The following C14orf132 variants were observed in gnomAD, a reference collection of about 807,000 sequenced individuals.
C14orf132 encodes uncharacterized protein C14orf132.
In C14orf132, 6 loss-of-function variants were observed where a neutral mutation model predicts 5.8. The observed-to-expected ratio is 1.03, with a 90% CI of 0.57 to 2.04. C14orf132 has a LOEUF of 2.04. Ranked by LOEUF, C14orf132 falls within the 30% of genes most tolerant of loss-of-function variation. C14orf132 has a pLI of 0.00. For synonymous variants in C14orf132, 51 were observed against 49.8 expected, an observed-to-expected ratio of 1.02 and a Z score of -0.10; for missense variants, 125 against 115.8, an observed-to-expected ratio of 1.08 and a Z score of -0.37.
chr14:96,071,632 C>T (rs7144935), intron 1 of C14orf132, among the ~76,000 whole-genome samples: 75,420 of 152,110 alleles, frequency 0.5, 19,027 homozygotes, highest in East Asian at 0.62. Flanking sequence ...AGTCCCAGCC[C>T]TCTCTCCTGA....
chr14:96,086,459 A>G, intron 1 of C14orf132, 52 bp from the exon 2 acceptor site: 1 of 1,504,400 alleles, frequency 6.6e-7, no homozygotes, highest in Non-Finnish European at 8.9e-7. Flanking sequence ...TGCAGGGTAC[A>G]TCTGCCCAAG....
intron 1 of C14orf132, among the ~76,000 whole-genome samples, chr14:96,082,185 C>T (rs183225952): frequency 1.3e-5 from 2 of 152,330 alleles, no homozygotes; most frequent in Non-Finnish European, 2.9e-5. Flanking sequence ...AGTGGCCACC[C>T]TTGCCCACTG....
Position 96,091,695 on chromosome 14 carries a change from C to G in C14orf132, c.*4960C>G, listed in dbSNP as rs1300545350. The G allele has an allele frequency of 6.5e-6, 1 of 152,952 alleles. No individual in the cohort carries two copies. The highest frequency in any genetic ancestry group is 1.5e-5 in the Non-Finnish European group (1 of 68,676). The allele number at this position is 152,952 out of a possible 1,614,324, so 9.5% of individuals were successfully genotyped here. A position where few individuals can be genotyped will look rare whatever the true frequency, so the allele number is the denominator to read the frequency against. On this transcript the variant is annotated 3_prime_UTR_variant, in exon 2 of 2. Transcript: ENST00000555004. Reference sequence around the variant, plus strand: ...AGGGAGCCAAAGGGAACAGCCAGATCCTGAATGTTCTATGTTCACCTGCCC... The same window carrying G: ...AGGGAGCCAAAGGGAACAGCCAGATGCTGAATGTTCTATGTTCACCTGCCC...
At chr14:96,068,612 T>C (rs11160306) in intron 1 of C14orf132, among the ~76,000 whole-genome samples, 69,234 of 151,962 alleles carry the variant, frequency 0.46, 16,836 homozygotes, top group East Asian at 0.6. Flanking sequence ...ACACGGACCA[T>C]GTAGGGAGCA....
chr14:96,049,653 T>TACGTATATATATATATATAGAG lies in C14orf132; in HGVS notation c.27+10127_27+10128insCGTATATATATATATATAGAGA, dbSNP rs371381526. Among the ~76,000 whole-genome samples, 5 of 82,280 alleles carry TACGTATATATATATATATAGAG rather than the reference T, an allele frequency of 6.1e-5. 2 individuals are homozygous for TACGTATATATATATATATAGAG. Among genetic ancestry groups the TACGTATATATATATATATAGAG allele is most frequent in the African/African-American group, 2.3e-4 (5 of 21,758 alleles). The allele number at this position is 82,280 out of a possible 152,430, so 54.0% of individuals were successfully genotyped here. ...ATACATATATACGTATATATATATATAGAGAGAGAGAGAGAGAGAGTTCTG... is the reference window on the plus strand; with the variant it reads ...ATACATATATACGTATATATATATATACGTATATATATATATATAGAGAGAGAGAGAGAGAGAGAGAGTTCTG... On this transcript the variant is annotated intron_variant, in intron 1 of 1. Transcript: ENST00000555004.
In C14orf132 at chr14:96,058,707, G is replaced by A. The variant is rs142988046; in HGVS notation, c.27+19180G>A. 8.5e-4 allele frequency among the ~76,000 whole-genome samples: 130 copies of A among 152,302 alleles called. 1 individual carries two copies. The highest frequency in any genetic ancestry group is 2.8e-3 in the African/African-American group (117 of 41,560). On this transcript the variant is annotated intron_variant, in intron 1 of 1. Coordinates refer to ENST00000555004, the MANE Select transcript of C14orf132 (RefSeq NM_001252507.3). ...CCACCTGGGCTCATGGATCAGACAG[G>A]ATGCATCTCAAACAGAGAATGGGAA...
chr14:96,048,553 T>G (rs1463810845), intron 1 of C14orf132, among the ~76,000 whole-genome samples: 47 of 152,174 alleles, frequency 3.1e-4, no homozygotes, highest in Admixed American at 3.1e-3. Context: ...GAGATGGAGT[T>G]TCACTCTGTT....
chr14:96,039,896 C>A lies in C14orf132; in HGVS notation c.27+369C>A, dbSNP rs1048712366. Among the ~76,000 whole-genome samples, 1 of 152,236 alleles carries A rather than the reference C, an allele frequency of 6.6e-6. No homozygotes were observed. Reference sequence around the variant, plus strand: ...CCAAGGCCGGGCCAGCTCAGACCCGCGCGAACGTGGATGGGCACACAGTCT... The same window carrying A: ...CCAAGGCCGGGCCAGCTCAGACCCGAGCGAACGTGGATGGGCACACAGTCT... On this transcript the variant is annotated intron_variant, in intron 1 of 1. Coordinates refer to ENST00000555004, the MANE Select transcript of C14orf132 (RefSeq NM_001252507.3). This position sits in a 1 kb window ranked among gnomAD's most constrained non-coding sequence, Gnocchi z 5.3.
chr14:96,060,144 C>T (rs913633598), intron 1 of C14orf132, among the ~76,000 whole-genome samples: 4 of 152,210 alleles, frequency 2.6e-5, no homozygotes, highest in African/African-American at 9.7e-5. Flanking sequence ...CCTTTTGTAG[C>T]ATTCCTGAGG....
intron 1 of C14orf132, among the ~76,000 whole-genome samples, chr14:96,078,829 C>T (rs568495205): frequency 6.6e-6 from 1 of 152,236 alleles, no homozygotes; most frequent in African/African-American, 2.4e-5. Flanking sequence ...CATTAAGAGC[C>T]CAGCCTCCCA....
At chr14:96,040,448 G>C (rs1886661097) in intron 1 of C14orf132, 4 of 393,256 alleles carry the variant, frequency 1.0e-5, no homozygotes, top group South Asian at 1.3e-4. Flanking sequence ...GAGAGGTCGG[G>C]AGGCCACCCA....
rs1481205447 is a variant in C14orf132 at position 96,093,677 on chromosome 14, T to C, written c.*6942T>C. On this transcript the variant is annotated 3_prime_UTR_variant, in exon 2 of 2. Coordinates refer to ENST00000555004, the MANE Select transcript of C14orf132 (RefSeq NM_001252507.3). ...GTATTTTAACTATTCTTGGAGTCCT[T>C]TGCTACCCAAGCACCTGGTTTCACC... is the stretch of plus-strand genomic sequence containing the variant. 1 of 152,194 alleles carries C rather than the reference T, an allele frequency of 6.6e-6. No homozygotes were observed. Among genetic ancestry groups the C allele is most frequent in the Non-Finnish European group, 1.5e-5 (1 of 68,030 alleles). The allele number at this position is 152,194 out of a possible 1,614,324, so 9.4% of individuals were successfully genotyped here.
intron 1 of C14orf132, among the ~76,000 whole-genome samples, chr14:96,064,850 A>G (rs1887483669): frequency 6.6e-6 from 1 of 152,116 alleles, no homozygotes; most frequent in South Asian, 2.1e-4. Context: ...AAAAAATAAA[A>G]AAGTCACGTC....
intron 1 of C14orf132, among the ~76,000 whole-genome samples, chr14:96,083,984 T>A (rs1888106394): frequency 6.6e-6 from 1 of 152,230 alleles, no homozygotes; most frequent in African/African-American, 2.4e-5. Context: ...GGCCACCTGA[T>A]GGCCTGGTTG....
rs1420481516 is a variant in C14orf132 at position 96,086,789 on chromosome 14, T to C, written c.*54T>C. On this transcript the variant is annotated 3_prime_UTR_variant, in exon 2 of 2. Transcript: ENST00000555004. Reference sequence around the variant, plus strand: ...TGAGGCTTGGCACGTAGCTCTGACTTGCTGTCGGCCTTTGGCTTCTCCTGT... The same window carrying C: ...TGAGGCTTGGCACGTAGCTCTGACTCGCTGTCGGCCTTTGGCTTCTCCTGT... 4 of 1,497,098 alleles carry C rather than the reference T, an allele frequency of 2.7e-6. No homozygotes were observed. Among genetic ancestry groups the C allele is most frequent in the Non-Finnish European group, 3.6e-6 (4 of 1,115,612 alleles). 92.7% of individuals were successfully genotyped at this position (1,497,098 alleles called of 1,614,324 possible).
chr14:96,076,273 C>G (rs1396427690), intron 1 of C14orf132, among the ~76,000 whole-genome samples: 2 of 152,116 alleles, frequency 1.3e-5, no homozygotes, highest in African/African-American at 4.8e-5. Context: ...TGGCAATATC[C>G]CTTTTCCATT....
intron 1 of C14orf132, among the ~76,000 whole-genome samples, chr14:96,048,631 T>C (rs1282760717): frequency 6.6e-6 from 1 of 152,268 alleles, no homozygotes; most frequent in South Asian, 2.1e-4. Flanking sequence ...GTTCAAGTGA[T>C]TCACCTGCCT....
chr14:96,072,893 C>T (rs1015285895), intron 1 of C14orf132, among the ~76,000 whole-genome samples: 7 of 152,176 alleles, frequency 4.6e-5, no homozygotes, highest in South Asian at 2.1e-4. Flanking sequence ...GAAAGTCATT[C>T]GCGTTGTTTC....
chr14:96,079,972 T>A (rs1490544856), intron 1 of C14orf132, among the ~76,000 whole-genome samples: 2 of 152,226 alleles, frequency 1.3e-5, no homozygotes, highest in Non-Finnish European at 2.9e-5. Context: ...GGCTGTGTGA[T>A]ATGTGGGATA....
Sources: gnomAD v4.1 joint callset for allele counts (sites outside exome capture counted in the v4.1 genomes callset) on GRCh38, gnomAD v4.1.1 for gene constraint, Gnocchi (gnomAD v3.1) non-coding constraint, MANE v1.5 for transcripts, NCBI Gene and HGNC (gene_info 2026-07-23, HGNC 2026-07-21) for gene names.